NFATC2: variants seen among roughly 807,000 people sequenced by gnomAD.
NFATC2 encodes nuclear factor of activated T cells 2, also known as nuclear factor of activated T-cells, cytoplasmic 2.
A neutral mutation model predicts 87.3 loss-of-function variants in NFATC2; 22 were observed. That is an observed-to-expected ratio of 0.25 (90% confidence interval 0.18 to 0.36). The LOEUF (loss-of-function observed/expected upper bound fraction) is 0.36, where lower values mean the gene tolerates loss of function less well. Among genes scored for constraint, NFATC2 ranks in the 10% least tolerant of loss-of-function variants. NFATC2 has a pLI of 1.00. For synonymous variants in NFATC2, 565 were observed against 542.2 expected, an observed-to-expected ratio of 1.04 and a Z score of -0.58; for missense variants, 1,149 against 1,259.1, an observed-to-expected ratio of 0.91 and a Z score of 1.32.
Position 51,523,904 on chromosome 20 carries a change from T to A in NFATC2, c.337A>T (p.Ile113Phe), listed in dbSNP as rs775823184. ...AGTTCGTGGGACGGAGTGATCTCGA[T>A]CCGAGGGCTCAGGCCCGAGGCCCCT... ...PAGASGLSPR[I>F]EITPSHELIQ... Residue 113 changes from isoleucine (I) to phenylalanine (F), a missense_variant, in exon 2 of 11, where the codon ATC becomes TTC. Physicochemically the swap from Ile to Phe is conservative, Grantham distance 21 (BLOSUM62 0). Coordinates refer to ENST00000371564, the MANE Select transcript of NFATC2 (RefSeq NM_012340.5). The surrounding 1 kb of genome is among the most constrained non-coding windows in gnomAD (Gnocchi z 6.9). The A allele has an allele frequency of 6.2e-7, 1 of 1,606,396 alleles. No individual in the cohort carries two copies. Among genetic ancestry groups the A allele is most frequent in the Non-Finnish European group, 8.5e-7 (1 of 1,177,692 alleles).
intron 5 of NFATC2, among the ~76,000 whole-genome samples, chr20:51,461,493 G>A (rs947192837): frequency 2.0e-5 from 3 of 152,196 alleles, no homozygotes; most frequent in Non-Finnish European, 4.4e-5. Flanking sequence ...ATTCTGGCAC[G>A]TCATAAAGTG....
intron 5 of NFATC2, among the ~76,000 whole-genome samples, chr20:51,456,771 AC>A (rs1450289348): frequency 6.6e-6 from 1 of 152,220 alleles, no homozygotes; most frequent in East Asian, 1.9e-4. Flanking sequence ...CGTGAGGCCC[AC>A]GGCCCAATTC....
At chr20:51,405,717 C>G (rs769526662) in intron 9 of NFATC2, among the ~76,000 whole-genome samples, 4 of 152,150 alleles carry the variant, frequency 2.6e-5, no homozygotes, top group African/African-American at 7.2e-5. Flanking sequence ...AGGACAGAGC[C>G]CAGCACATAG....
chr20:51,469,254 C>A (rs1029774921), intron 5 of NFATC2, among the ~76,000 whole-genome samples: 2 of 152,138 alleles, frequency 1.3e-5, no homozygotes, highest in Non-Finnish European at 2.9e-5. Context: ...TGAGCTCAAG[C>A]GATCGTCCGG....
At chr20:51,405,522 C>T (rs1988475373) in intron 9 of NFATC2, among the ~76,000 whole-genome samples, 2 of 152,226 alleles carry the variant, frequency 1.3e-5, no homozygotes, top group Non-Finnish European at 1.5e-5. Context: ...TTCATAGGCA[C>T]TGCCTTTCAG....
At chr20:51,399,162 A>C (rs1043366166) in intron 9 of NFATC2, 4 of 156,000 alleles carry the variant, frequency 2.6e-5, no homozygotes, top group African/African-American at 9.6e-5. Context: ...ACTGGGCCCC[A>C]GTTTCCTTCT....
intron 6 of NFATC2, among the ~76,000 whole-genome samples, chr20:51,449,230 G>T (rs1985469238): frequency 6.6e-6 from 1 of 152,166 alleles, no homozygotes; most frequent in African/African-American, 2.4e-5. Context: ...ATGGGAACGG[G>T]GATGAGTTTT....
intron 3 of NFATC2, among the ~76,000 whole-genome samples, chr20:51,504,364 G>A (rs550908876): frequency 7.9e-5 from 12 of 152,252 alleles, no homozygotes; most frequent in Admixed American, 2.0e-4. Flanking sequence ...TTGAACTCCC[G>A]GCCTCAAGTG....
chr20:51,556,914 G>A (rs1159752034), intron 1 of NFATC2, among the ~76,000 whole-genome samples: 1 of 152,158 alleles, frequency 6.6e-6, no homozygotes, highest in Non-Finnish European at 1.5e-5. Flanking sequence ...GAGTCATTGC[G>A]TGGTGCAGAA....
At chr20:51,549,256 TG>T (rs2076913421) in intron 1 of NFATC2, among the ~76,000 whole-genome samples, 7 of 125,972 alleles carry the variant, frequency 5.6e-5, no homozygotes, top group East Asian at 2.5e-4. Context: ...TGAGGTTTTT[TG>T]GTTTTTTTGT....
intron 3 of NFATC2, among the ~76,000 whole-genome samples, chr20:51,483,189 G>A (rs1568673692): frequency 1.3e-5 from 2 of 152,196 alleles, no homozygotes; most frequent in African/African-American, 4.8e-5. Context: ...ACCCTTGCAA[G>A]TGGCACGTCT....
At chr20:51,560,508 CA>C (rs2077011977) in intron 1 of NFATC2, among the ~76,000 whole-genome samples, 1 of 152,154 alleles carries the variant, frequency 6.6e-6, no homozygotes, top group Non-Finnish European at 1.5e-5. Flanking sequence ...TTTTTAAATG[CA>C]AATATTTCTC....
In NFATC2 at chr20:51,523,494, A is replaced by C. The variant is rs2076487381; in HGVS notation, c.747T>G (p.Gly249=). The C allele has an allele frequency of 6.2e-7, 1 of 1,612,614 alleles. No individual in the cohort carries two copies. The highest frequency in any genetic ancestry group is 8.5e-7 in the Non-Finnish European group (1 of 1,179,372). Residue 249 remains glycine (G), a synonymous_variant, in exon 2 of 11, where the codon GGT becomes GGG. Coordinates refer to ENST00000371564, the MANE Select transcript of NFATC2 (RefSeq NM_012340.5). The surrounding 1 kb of genome is among the most constrained non-coding windows in gnomAD (Gnocchi z 6.9). ...CGGCGCACGAATGCCTCCGCTTGGC[A>C]CCAGGCGATGAGGAGCGGGAGGCCG... ...PRPASRSSSP[G]AKRRHSCAEA...
At position 51,454,828 on chromosome 20, in the gene NFATC2, C is replaced by G. The variant is rs1986226811; in HGVS notation, c.1709-140G>C. 4 of 924,514 alleles carry G rather than the reference C, an allele frequency of 4.3e-6. No homozygotes were observed. In the South Asian group the frequency reaches 6.7e-5, roughly 15 times the overall value. 57.3% of individuals were successfully genotyped at this position (924,514 alleles called of 1,614,324 possible). A position where few individuals can be genotyped will look rare whatever the true frequency, so the allele number is the denominator to read the frequency against. On this transcript the variant is annotated intron_variant, in intron 5 of 10. Transcript: ENST00000371564. The stretch of plus-strand genomic sequence containing the variant: ...TGTTATCTAAAATGTGGAACCATCA[C>G]CCCTGACAATCAATGACGTACAAAT...
intron 9 of NFATC2, among the ~76,000 whole-genome samples, chr20:51,424,265 T>G (rs914369881): frequency 6.6e-6 from 1 of 152,180 alleles, no homozygotes; most frequent in South Asian, 2.1e-4. Context: ...GAACCTTTGC[T>G]GAATTTACAG....
At chr20:51,396,915 C>T (rs1987236249) in intron 10 of NFATC2, among the ~76,000 whole-genome samples, 1 of 151,894 alleles carries the variant, frequency 6.6e-6, no homozygotes, top group Non-Finnish European at 1.5e-5. Flanking sequence ...GGTCTTGAGC[C>T]CTCCCCTGTG....
At chr20:51,457,484 C>T (rs914829659) in intron 5 of NFATC2, among the ~76,000 whole-genome samples, 5 of 152,202 alleles carry the variant, frequency 3.3e-5, no homozygotes, top group East Asian at 1.9e-4. Context: ...CTCTTTCCTG[C>T]GGCAGCCTCG....
chr20:51,398,642 CCTTTAA>C lies in NFATC2; in HGVS notation c.*39_*44del, dbSNP rs1987598076. The C allele has an allele frequency of 1.3e-6, 2 of 1,598,856 alleles. No individual in the cohort carries two copies. The highest frequency in any genetic ancestry group is 2.2e-5 in the East Asian group (1 of 44,800). ...AAGGAGAAGCAGAAGATATCGATTACCTTTAACTTTGATTTCTCGGATCAAAGATCA... is the reference window on the plus strand; with the variant it reads ...AAGGAGAAGCAGAAGATATCGATTACCTTTGATTTCTCGGATCAAAGATCA... On this transcript the variant is annotated splice_region_variant and 3_prime_UTR_variant, in exon 10 of 11. Transcript: ENST00000371564.
intron 6 of NFATC2, 62 bp from the exon 7 acceptor site, chr20:51,435,823 A>G (rs1017965415): frequency 9.4e-6 from 13 of 1,379,246 alleles, no homozygotes; most frequent in Non-Finnish European, 2.0e-6. Flanking sequence ...ATTTAAGACA[A>G]AAACTCACCA....
Sources: allele counts gnomAD v4.1 joint callset (sites outside exome capture counted in the v4.1 genomes callset), GRCh38; gene constraint gnomAD v4.1.1; non-coding constraint Gnocchi (gnomAD v3.1); transcripts MANE v1.5; gene names NCBI Gene and HGNC (gene_info 2026-07-23, HGNC 2026-07-21).